POU2F1: variants seen among roughly 807,000 people sequenced by gnomAD.
POU2F1 encodes the protein POU class 2 homeobox 1.
In POU2F1, 16 loss-of-function variants were observed where a neutral mutation model predicts 84.9. The observed-to-expected ratio is 0.19, with a 90% CI of 0.13 to 0.29. The LOEUF (loss-of-function observed/expected upper bound fraction) is 0.29, where lower values mean the gene tolerates loss of function less well. Among genes scored for constraint, POU2F1 ranks in the 10% least tolerant of loss-of-function variants. The pLI is 1.00. For synonymous variants in POU2F1, 368 were observed against 368.3 expected (o/e 1.00, Z 0.01); for missense variants, 738 against 942.6 (o/e 0.78, Z 2.84).
At chr1:167,343,472 TC>T (rs1384685689) in intron 2 of POU2F1, among the ~76,000 whole-genome samples, 1 of 152,044 alleles carries the variant, frequency 6.6e-6, no homozygotes, top group African/African-American at 2.4e-5. Flanking sequence ...TCATTTTTTT[TC>T]CTAACAGATA....
At chr1:167,223,125 A>C (rs1258171642) in intron 1 of POU2F1, among the ~76,000 whole-genome samples, 13 of 152,162 alleles carry the variant, frequency 8.5e-5, no homozygotes, top group Admixed American at 8.5e-4. Context: ...TGCTTATTTT[A>C]ATTGTAGCAC....
chr1:167,291,044 G>GAAAAA (rs56798282), intron 1 of POU2F1, among the ~76,000 whole-genome samples: 25 of 117,406 alleles, frequency 2.1e-4, no homozygotes, highest in Non-Finnish European at 2.9e-4. Context: ...GACCCTGTCA[G>GAAAAA]AAAAAAAAAA....
At chr1:167,289,185 T>C (rs1433333454) in intron 1 of POU2F1, among the ~76,000 whole-genome samples, 1 of 152,208 alleles carries the variant, frequency 6.6e-6, no homozygotes, top group Non-Finnish European at 1.5e-5. Flanking sequence ...TGAAATAGTT[T>C]CTTTGAAGTT....
intron 1 of POU2F1, among the ~76,000 whole-genome samples, chr1:167,238,719 C>T (rs1213696634): frequency 2.0e-5 from 3 of 152,128 alleles, no homozygotes; most frequent in South Asian, 4.1e-4. Flanking sequence ...GGCAATCTTC[C>T]ATAAATACCT....
chr1:167,246,490 A>G (rs1470605082), intron 1 of POU2F1, among the ~76,000 whole-genome samples: 1 of 152,166 alleles, frequency 6.6e-6, no homozygotes, highest in Non-Finnish European at 1.5e-5. Context: ...AAAATATTGA[A>G]TGAAATTATT....
intron 1 of POU2F1, among the ~76,000 whole-genome samples, chr1:167,312,237 A>ATTT (rs71572443): frequency 7.5e-6 from 1 of 132,910 alleles, no homozygotes; most frequent in Non-Finnish European, 1.7e-5. Context: ...TGCCCAGCCA[A>ATTT]TTTTTTTTTT....
intron 1 of POU2F1, among the ~76,000 whole-genome samples, chr1:167,305,218 C>G (rs1182608606): frequency 2.6e-5 from 4 of 151,246 alleles, no homozygotes; most frequent in Non-Finnish European, 5.9e-5. Flanking sequence ...AACAGGATCT[C>G]TCTCTGTTGC....
chr1:167,294,172 CAAAAAAAAAAAAAA>C (rs60846607), intron 1 of POU2F1, among the ~76,000 whole-genome samples: 2 of 30,956 alleles, frequency 6.5e-5, no homozygotes, highest in Non-Finnish European at 9.0e-5. Flanking sequence ...TACTAAAATA[CAAAAAAAAAAAAAA>C]AAAAAAAAAA....
rs1276584731 is a variant in POU2F1 at position 167,418,644 on chromosome 1, A to T, written c.*2834A>T. On this transcript the variant is annotated 3_prime_UTR_variant, in exon 16 of 16. Coordinates refer to ENST00000367866, the MANE Select transcript of POU2F1 (RefSeq NM_002697.4). ...GTGAGGTAAGACAAAGGGCAAGGAAAGGCTGTTTGGGTGGTTTTTTTTTCC... is the reference window on the plus strand; with the variant it reads ...GTGAGGTAAGACAAAGGGCAAGGAATGGCTGTTTGGGTGGTTTTTTTTTCC... 6.6e-6 allele frequency: 1 copy of T among 152,228 alleles called. No homozygotes were observed. The allele number at this position is 152,228 out of a possible 1,614,324, so 9.4% of individuals were successfully genotyped here.
intron 1 of POU2F1, among the ~76,000 whole-genome samples, chr1:167,313,120 C>T (rs1655617992): frequency 6.6e-6 from 1 of 152,100 alleles, no homozygotes; most frequent in African/African-American, 2.4e-5. Flanking sequence ...GTAAATCCAA[C>T]AAAACATGTA....
intron 8 of POU2F1, among the ~76,000 whole-genome samples, chr1:167,388,968 G>A (rs960441602): frequency 5.3e-5 from 8 of 151,770 alleles, no homozygotes; most frequent in African/African-American, 9.7e-5. Flanking sequence ...TTAAAACAAC[G>A]TTAAATAAGA....
chr1:167,302,883 G>T (rs1195666479), intron 1 of POU2F1, among the ~76,000 whole-genome samples: 1 of 152,106 alleles, frequency 6.6e-6, no homozygotes, highest in African/African-American at 2.4e-5. Flanking sequence ...GAATTCTATC[G>T]ATGAGGATTC....
In POU2F1 at chr1:167,375,978, C is replaced by G. The variant is rs778063485; in HGVS notation, c.592-51C>G. Reference sequence around the variant, plus strand: ...ATCAGCTGGAAGCCTTATAATTAAGCGAACTTTTATTTCAGAATCTCCAAT... The same window carrying G: ...ATCAGCTGGAAGCCTTATAATTAAGGGAACTTTTATTTCAGAATCTCCAAT... On this transcript the variant is annotated intron_variant, in intron 6 of 15. Transcript: ENST00000367866. The G allele has an allele frequency of 3.1e-6, 5 of 1,604,718 alleles. No individual in the cohort carries two copies. In the Admixed American group the frequency reaches 5.0e-5, roughly 16 times the overall value.
chr1:167,281,750 C>T (rs562849362), intron 1 of POU2F1, among the ~76,000 whole-genome samples: 6 of 152,312 alleles, frequency 3.9e-5, no homozygotes, highest in South Asian at 2.1e-4. Context: ...ACTTAAAATA[C>T]GTAATGAGGC....
chr1:167,394,400 G>A (rs1044326646), intron 9 of POU2F1, among the ~76,000 whole-genome samples: 1 of 152,160 alleles, frequency 6.6e-6, no homozygotes, highest in Non-Finnish European at 1.5e-5. Context: ...AGACATATTT[G>A]TATACAGTAT....
At chr1:167,246,394 C>T (rs547065070) in intron 1 of POU2F1, among the ~76,000 whole-genome samples, 17 of 152,234 alleles carry the variant, frequency 1.1e-4, no homozygotes, top group Admixed American at 3.3e-4. Context: ...TATTTACATT[C>T]GAAATATATG....
intron 1 of POU2F1, among the ~76,000 whole-genome samples, chr1:167,297,556 C>G (rs1290265990): frequency 6.6e-6 from 1 of 152,162 alleles, no homozygotes; most frequent in Admixed American, 6.5e-5. Flanking sequence ...GGAGCTCTGT[C>G]CTTGATTTCA....
intron 9 of POU2F1, among the ~76,000 whole-genome samples, chr1:167,390,124 C>A (rs541547526): frequency 6.6e-6 from 1 of 152,362 alleles, no homozygotes; most frequent in East Asian, 1.9e-4. Flanking sequence ...AACCAATCCC[C>A]TGTGCATACT....
rs1432629434 is a variant in POU2F1, at chr1:167,419,189, T to G, written c.*3379T>G. ...TAAGCTAAGATACTCAAATTTAACT[T>G]TTAGCCACCTTATATGGGAGAGCCT... On this transcript the variant is annotated 3_prime_UTR_variant, in exon 16 of 16. Coordinates refer to ENST00000367866, the MANE Select transcript of POU2F1 (RefSeq NM_002697.4). 6.6e-6 allele frequency: 1 copy of G among 152,182 alleles called. No homozygotes were observed. The highest frequency in any genetic ancestry group is 2.4e-5 in the African/African-American group (1 of 41,446). 9.4% of individuals were successfully genotyped at this position (152,182 alleles called of 1,614,324 possible). A position where few individuals can be genotyped will look rare whatever the true frequency, so the allele number is the denominator to read the frequency against.
Sources: allele counts gnomAD v4.1 joint callset (sites outside exome capture counted in the v4.1 genomes callset), GRCh38; gene constraint gnomAD v4.1.1; transcripts MANE v1.5; gene names NCBI Gene and HGNC (gene_info 2026-07-23, HGNC 2026-07-21).